SOX5: variants seen among roughly 807,000 people sequenced by gnomAD.
SOX5 encodes the protein SRY-box transcription factor 5, also known as transcription factor SOX-5.
In SOX5, 9 loss-of-function variants were observed where a neutral mutation model predicts 92.0. The observed-to-expected ratio is 0.10, with a 90% confidence interval of 0.06 to 0.17. SOX5 has a LOEUF of 0.17. SOX5 is among the 10% of genes least tolerant of loss of function. The pLI, the probability that SOX5 is intolerant of heterozygous loss-of-function variation, is 1.00. For missense variants in SOX5, 642 were observed against 944.5 expected, an observed-to-expected ratio of 0.68 and a Z score of 4.20; for synonymous variants, 344 against 336.3, an observed-to-expected ratio of 1.02 and a Z score of -0.25.
chr12:24,283,968 G>T (rs1407114545), intron 2 of SOX5, among the ~76,000 whole-genome samples: 1 of 152,158 alleles, frequency 6.6e-6, no homozygotes, highest in Non-Finnish European at 1.5e-5. Context: ...CTACTATGTA[G>T]AAGTCATGTA....
intron 3 of SOX5, among the ~76,000 whole-genome samples, chr12:23,781,761 C>A (rs1027999388): frequency 2.6e-5 from 4 of 151,964 alleles, no homozygotes; most frequent in African/African-American, 9.7e-5. Context: ...CACAATCAGT[C>A]TTTCTTTGGA....
At chr12:23,746,935 G>A (rs1302685099) in intron 4 of SOX5, among the ~76,000 whole-genome samples, 1 of 152,068 alleles carries the variant, frequency 6.6e-6, no homozygotes, top group Non-Finnish European at 1.5e-5. Flanking sequence ...ATAAAGGGGA[G>A]TTTCCCTGCA....
chr12:23,833,876 T>C (rs905338556), intron 3 of SOX5, among the ~76,000 whole-genome samples: 7 of 151,842 alleles, frequency 4.6e-5, no homozygotes, highest in Non-Finnish European at 8.8e-5. Context: ...AAAAGACAAA[T>C]TACACCTAGT....
At chr12:23,829,528 T>C (rs1849112362) in intron 3 of SOX5, among the ~76,000 whole-genome samples, 1 of 152,130 alleles carries the variant, frequency 6.6e-6, no homozygotes, top group African/African-American at 2.4e-5. Flanking sequence ...ATTCTCCTCA[T>C]GTTTATTTGC....
chr12:23,958,300 G>A (rs1378448227), intron 4 of SOX5, among the ~76,000 whole-genome samples: 1 of 151,874 alleles, frequency 6.6e-6, no homozygotes, highest in Admixed American at 6.6e-5. Context: ...TGAGAAAAAA[G>A]GAAAGAATCA....
chr12:24,173,997 GTTTT>G (rs1476572386), intron 4 of SOX5, among the ~76,000 whole-genome samples: 1 of 146,062 alleles, frequency 6.8e-6, no homozygotes, highest in Admixed American at 7.1e-5. Flanking sequence ...TTTTTTGTTT[GTTTT>G]TTTGTTTTTT....
At chr12:23,802,802 C>T (rs1343290353) in intron 3 of SOX5, among the ~76,000 whole-genome samples, 1 of 152,164 alleles carries the variant, frequency 6.6e-6, no homozygotes, top group African/African-American at 2.4e-5. Flanking sequence ...TATCTTAACT[C>T]TGCAACTCAC....
At chr12:23,566,120 A>G (rs540044404) in intron 10 of SOX5, among the ~76,000 whole-genome samples, 1 of 152,270 alleles carries the variant, frequency 6.6e-6, no homozygotes, top group Admixed American at 6.5e-5. Context: ...CTTCATTGAT[A>G]ATTCTATTTC....
At chr12:23,642,612 G>C (rs2080221473) in intron 7 of SOX5, among the ~76,000 whole-genome samples, 1 of 152,174 alleles carries the variant, frequency 6.6e-6, no homozygotes, top group Admixed American at 6.5e-5. Context: ...AGATCAATGG[G>C]ATTGGGGAGG....
intron 8 of SOX5, among the ~76,000 whole-genome samples, chr12:23,611,794 G>T (rs1274436976): frequency 6.6e-6 from 1 of 151,948 alleles, no homozygotes; most frequent in African/African-American, 2.4e-5. Context: ...ACAGTGCAAA[G>T]TATGTTATGT....
intron 4 of SOX5, among the ~76,000 whole-genome samples, chr12:24,019,419 T>G (rs1467410822): frequency 6.6e-6 from 1 of 152,180 alleles, no homozygotes; most frequent in Non-Finnish European, 1.5e-5. Flanking sequence ...GGAAATGAAT[T>G]ACAGATATAT....
At chr12:24,460,471 C>T (rs1943499162) in intron 1 of SOX5, 1 of 152,158 alleles carries the variant, frequency 6.6e-6, no homozygotes, top group African/African-American at 2.4e-5. Flanking sequence ...CACTACTAAA[C>T]GACAGAGATG....
At chr12:23,950,746 C>A, upstream of SOX5, 1 of 864,944 alleles carries the variant, frequency 1.2e-6, no homozygotes, top group Non-Finnish European at 1.8e-6. Context: ...GCTGGCAAGG[C>A]ACAGCCTCCA....
chr12:23,580,900 G>A (rs1043380340), intron 9 of SOX5, among the ~76,000 whole-genome samples: 1 of 151,930 alleles, frequency 6.6e-6, no homozygotes, highest in Non-Finnish European at 1.5e-5. Flanking sequence ...AGCCTTAGAC[G>A]CACTGAGGGA....
At chr12:24,557,607 C>A (rs1260357354) in intron 1 of SOX5, among the ~76,000 whole-genome samples, 5 of 152,080 alleles carry the variant, frequency 3.3e-5, no homozygotes, top group African/African-American at 7.2e-5. Flanking sequence ...ATGTCTTAAG[C>A]TACCAGAGAA....
chr12:24,270,540 T>C (rs915784430), intron 3 of SOX5, among the ~76,000 whole-genome samples: 30 of 152,220 alleles, frequency 2.0e-4, no homozygotes, highest in African/African-American at 6.5e-4. Context: ...TCATGAGATA[T>C]ATGTACAGAA....
chr12:23,600,540 TATATATATATATAC>T lies in SOX5; in HGVS notation c.1164+3833_1164+3846del, dbSNP rs1410690835. Among the ~76,000 whole-genome samples the T allele has an allele frequency of 3.0e-4, 36 of 121,914 alleles. 1 individual carries two copies. The highest frequency in any genetic ancestry group is 1.0e-3 in the African/African-American group (34 of 34,014). The allele number at this position is 121,914 out of a possible 152,430, so 80.0% of individuals were successfully genotyped here. On this transcript the variant is annotated intron_variant, in intron 9 of 14. Coordinates refer to ENST00000451604, the MANE Select transcript of SOX5 (RefSeq NM_006940.6). Reference sequence around the variant, plus strand: ...GGGGGTGCATATATATATATATATATATATATATATATACACATACTTGGCTTGGGACTAAAAAA... The same window carrying T: ...GGGGGTGCATATATATATATATATATACATACTTGGCTTGGGACTAAAAAA...
At chr12:24,486,501 A>T (rs1360631362) in intron 1 of SOX5, among the ~76,000 whole-genome samples, 1 of 152,144 alleles carries the variant, frequency 6.6e-6, no homozygotes, top group Non-Finnish European at 1.5e-5. Context: ...TAAGAAAGAA[A>T]TCTAGGTACA....
intron 4 of SOX5, among the ~76,000 whole-genome samples, chr12:24,115,499 C>T (rs1042930697): frequency 6.6e-6 from 1 of 152,076 alleles, no homozygotes; most frequent in Non-Finnish European, 1.5e-5. Flanking sequence ...ACCAGAATAC[C>T]GCAATCCAAA....
Sources: gnomAD v4.1 joint callset for allele counts (sites outside exome capture counted in the v4.1 genomes callset) on GRCh38, gnomAD v4.1.1 for gene constraint, MANE v1.5 for transcripts, NCBI Gene and HGNC (gene_info 2026-07-23, HGNC 2026-07-21) for gene names.